The following PPP1R2 variants were observed in gnomAD, a reference collection of about 807,000 sequenced individuals.
PPP1R2 encodes the protein protein phosphatase inhibitor 2.
A neutral mutation model predicts 29.9 loss-of-function variants in PPP1R2; 16 were observed. The observed-to-expected ratio is 0.53, with a 90% confidence interval of 0.36 to 0.81. The LOEUF is 0.81. Among genes scored for constraint, PPP1R2 ranks in the 30% least tolerant of loss-of-function variants. The pLI, the probability that PPP1R2 is intolerant of heterozygous loss-of-function variation, is 0.00. For synonymous variants in PPP1R2, 76 were observed against 91.5 expected (o/e 0.83, Z 0.96); for missense variants, 197 against 252.7 (o/e 0.78, Z 1.49).
chr3:195,518,764 C>G (rs1158466657), intron 5 of PPP1R2, among the ~76,000 whole-genome samples: 1 of 152,076 alleles, frequency 6.6e-6, no homozygotes, highest in African/African-American at 2.4e-5. Flanking sequence ...GACAAACATC[C>G]TTGCCTAAAG....
chr3:195,543,137 A>C lies in PPP1R2; in HGVS notation c.-112T>G, dbSNP rs1436884498. 2 of 1,361,522 alleles carry C rather than the reference A, an allele frequency of 1.5e-6. No homozygotes were observed. Among genetic ancestry groups the C allele is most frequent in the South Asian group, 1.6e-5 (1 of 63,738 alleles). The allele number at this position is 1,361,522 out of a possible 1,614,324, so 84.3% of individuals were successfully genotyped here. A position where few individuals can be genotyped will look rare whatever the true frequency, so the allele number is the denominator to read the frequency against. On this transcript the variant is annotated 5_prime_UTR_variant, in exon 1 of 6. Coordinates refer to ENST00000618156, the MANE Select transcript of PPP1R2 (RefSeq NM_006241.8). ...CAGCCGCAGATCCCGCTCAGGGCTA[A>C]AGCGGCCGCAACTGCTGCCTCGGAA...
In PPP1R2 at chr3:195,524,864, TCACTACAGG is replaced by T; in HGVS notation, c.254_262del (p.Ala85_Ser87del). The T allele has an allele frequency of 6.2e-7, 1 of 1,614,084 alleles. No individual in the cohort carries two copies. Among genetic ancestry groups the T allele is most frequent in the Non-Finnish European group, 8.5e-7 (1 of 1,180,006 alleles). ...CGCCATGGCTTCAGTGGCCTCGGTG[TCACTACAGG>T]CATCTTCATCATCCCCCATCATACT... is the stretch of plus-strand genomic sequence containing the variant. On this transcript the variant is annotated inframe_deletion, in exon 3 of 6. Transcript: ENST00000618156.
intron 2 of PPP1R2, chr3:195,527,982 T>C: frequency 3.2e-6 from 1 of 314,358 alleles, no homozygotes; most frequent in Non-Finnish European, 6.2e-6. Flanking sequence ...AATTTTATTG[T>C]TTTTCTTCCC....
intron 1 of PPP1R2, among the ~76,000 whole-genome samples, chr3:195,537,481 T>C (rs1234989621): frequency 7.8e-6 from 1 of 128,516 alleles, no homozygotes; most frequent in Non-Finnish European, 1.6e-5. Flanking sequence ...GGATTAGCTA[T>C]TGTGTGTGTG....
At position 195,542,920 on chromosome 3, in the gene PPP1R2, C is replaced by T; in HGVS notation, c.106G>A (p.Val36Ile). 6.2e-7 allele frequency: 1 copy of T among 1,602,932 alleles called. No individual in the cohort carries two copies. Among genetic ancestry groups the T allele is most frequent in the Non-Finnish European group, 8.5e-7 (1 of 1,174,840 alleles). Residue 36 changes from valine to isoleucine, a missense_variant, in exon 1 of 6, where the codon GTC (valine) becomes ATC (isoleucine). Around this residue, in one of 3 missense-constraint regions of PPP1R2, gnomAD observed 54 missense variants for 60.6 expected, o/e 0.89. Transcript: ENST00000618156. ...VASAEQPRGN[V>I]DEELSKKSQK... ...AGCGCTCACCTCAGCTCCTCGTCGA[C>T]ATTCCCGCGGGGCTGTTCGGCCGAC...
Position 195,516,679 on chromosome 3 carries a change from CTG to C in PPP1R2, c.*215_*216del. 2.0e-6 allele frequency: 1 copy of C among 503,876 alleles called. No individual in the cohort carries two copies. The highest frequency in any genetic ancestry group is 3.3e-5 in the Admixed American group (1 of 29,868). 31.2% of individuals were successfully genotyped at this position (503,876 alleles called of 1,614,324 possible). On this transcript the variant is annotated 3_prime_UTR_variant, in exon 6 of 6. Transcript: ENST00000618156. ...GCAGTTTTGGACTGATGATATTACA[CTG>C]TATTTGTGGTAAAGTACTAGGCACA...
At chr3:195,524,570 T>C (rs908019016) in intron 3 of PPP1R2, among the ~76,000 whole-genome samples, 3 of 152,026 alleles carry the variant, frequency 2.0e-5, no homozygotes, top group Admixed American at 6.6e-5. Context: ...CATTTCAGTA[T>C]CCCAAGTGCA....
intron 1 of PPP1R2, among the ~76,000 whole-genome samples, chr3:195,530,369 T>C (rs2259661): frequency 0.36 from 55,050 of 151,974 alleles, 10,354 homozygotes; most frequent in African/African-American, 0.4. Flanking sequence ...AATAAAACTA[T>C]AGAGAAAACC....
At chr3:195,523,555 A>T in intron 4 of PPP1R2, 137 bp downstream of exon 4, 1 of 669,380 alleles carries the variant, frequency 1.5e-6, no homozygotes, top group Non-Finnish European at 2.6e-6. Context: ...TAGTATCTGA[A>T]TTATAAAGAT....
At chr3:195,524,035 C>A (rs1718867900) in intron 3 of PPP1R2, among the ~76,000 whole-genome samples, 1 of 151,404 alleles carries the variant, frequency 6.6e-6, no homozygotes, top group South Asian at 2.1e-4. Flanking sequence ...TTGCAATGAG[C>A]TTTGATTGCG....
chr3:195,529,911 A>G lies in PPP1R2; in HGVS notation c.123-10T>C, dbSNP rs748602503. ...CTTCTGGGATTTTTTGCTAAAATTAAAAAGAAAAAACGTTTTTCCCAATGC... is the reference window on the plus strand; with the variant it reads ...CTTCTGGGATTTTTTGCTAAAATTAGAAAGAAAAAACGTTTTTCCCAATGC... On this transcript the variant is annotated splice_polypyrimidine_tract_variant and intron_variant, in intron 1 of 5. Coordinates refer to ENST00000618156, the MANE Select transcript of PPP1R2 (RefSeq NM_006241.8). The G allele has an allele frequency of 1.9e-6, 3 of 1,587,476 alleles. No individual in the cohort carries two copies. The highest frequency in any genetic ancestry group is 2.6e-6 in the Non-Finnish European group (3 of 1,165,932).
intron 1 of PPP1R2, among the ~76,000 whole-genome samples, chr3:195,530,660 G>A (rs1719144218): frequency 6.6e-6 from 1 of 152,078 alleles, no homozygotes; most frequent in Admixed American, 6.5e-5. Flanking sequence ...CGAGTAGCTG[G>A]GATGACAGGC....
At chr3:195,521,426 C>A (rs1429807794) in intron 4 of PPP1R2, among the ~76,000 whole-genome samples, 1 of 149,890 alleles carries the variant, frequency 6.7e-6, no homozygotes, top group East Asian at 2.0e-4. Context: ...ATTTTAAAAT[C>A]GTTACAAGTT....
intron 2 of PPP1R2, chr3:195,528,569 G>C (rs1719060574): frequency 6.6e-6 from 1 of 151,848 alleles, no homozygotes; most frequent in Non-Finnish European, 1.5e-5. Context: ...TTTCACTACA[G>C]AACAAATGGA....
rs1351853385 is a variant in PPP1R2 at position 195,523,729 on chromosome 3, A to G, written c.366T>C (p.Ser122=). ...GTGAGAGGTCACTATCCTCCTCTCC[A>G]CTGCTTTCTTGTTCCTGAATCCGAT... The part of the protein sequence containing the change: ...PKYRIQEQES[S]GEEDSDLSPE... Residue 122 remains serine, a synonymous_variant, in exon 4 of 6, where the codon AGT becomes AGC. Coordinates refer to ENST00000618156, the MANE Select transcript of PPP1R2 (RefSeq NM_006241.8). 8.1e-6 allele frequency: 13 copies of G among 1,614,060 alleles called. No individual in the cohort carries two copies. The highest frequency in any genetic ancestry group is 1.1e-5 in the Non-Finnish European group (13 of 1,180,020).
chr3:195,538,880 T>C (rs965404080), intron 1 of PPP1R2, among the ~76,000 whole-genome samples: 1 of 152,230 alleles, frequency 6.6e-6, no homozygotes, highest in African/African-American at 2.4e-5. Flanking sequence ...TAATGAATAA[T>C]TCACTGAAAA....
Position 195,529,918 on chromosome 3 carries a change from A to G in PPP1R2, c.123-17T>C, listed in dbSNP as rs763422769. 1 of 1,572,308 alleles carries G rather than the reference A, an allele frequency of 6.4e-7. No individual in the cohort carries two copies. Among genetic ancestry groups the G allele is most frequent in the Admixed American group, 1.8e-5 (1 of 54,060 alleles). ...GATTTTTTGCTAAAATTAAAAAGAAAAAACGTTTTTCCCAATGCAGAAAAA... is the reference window on the plus strand; with the variant it reads ...GATTTTTTGCTAAAATTAAAAAGAAGAAACGTTTTTCCCAATGCAGAAAAA... On this transcript the variant is annotated splice_polypyrimidine_tract_variant and intron_variant, in intron 1 of 5. Transcript: ENST00000618156.
At chr3:195,537,140 G>C (rs966786066) in intron 1 of PPP1R2, among the ~76,000 whole-genome samples, 1 of 151,610 alleles carries the variant, frequency 6.6e-6, no homozygotes, top group African/African-American at 2.4e-5. Flanking sequence ...ATATAAAACA[G>C]TACATACAGT....
chr3:195,520,970 G>A (rs1335885694), intron 4 of PPP1R2, among the ~76,000 whole-genome samples: 1 of 152,054 alleles, frequency 6.6e-6, no homozygotes, highest in African/African-American at 2.4e-5. Flanking sequence ...CACCTGGCCA[G>A]TACTTTCTTA....
Sources: allele counts gnomAD v4.1 joint callset (sites outside exome capture counted in the v4.1 genomes callset), GRCh38; gene constraint gnomAD v4.1.1; regional missense constraint gnomAD v4.1.1; transcripts MANE v1.5; gene names NCBI Gene and HGNC (gene_info 2026-07-23, HGNC 2026-07-21).